The following FSTL5 variants were observed in gnomAD, a reference collection of about 807,000 sequenced individuals.
FSTL5 encodes the protein follistatin like 5.
FSTL5 carries 62 observed loss-of-function variants against 89.1 expected under a neutral mutation model. That is an observed-to-expected ratio of 0.70 (90% CI 0.57 to 0.86). The LOEUF is 0.86. Ranked by LOEUF, FSTL5 falls within the 40% of genes least tolerant of loss-of-function variation. The pLI, the probability that FSTL5 is intolerant of heterozygous loss-of-function variation, is 0.00. For missense variants in FSTL5, 1,057 were observed against 1,001.6 expected (o/e 1.06, Z -0.75); for synonymous variants, 383 against 346.2 (o/e 1.11, Z -1.18).
intron 2 of FSTL5, among the ~76,000 whole-genome samples, chr4:162,099,974 G>T (rs1579026973): frequency 6.6e-6 from 1 of 152,184 alleles, no homozygotes; most frequent in Admixed American, 6.5e-5. Flanking sequence ...CAGTGGGAAT[G>T]AAAAATTATA....
intron 3 of FSTL5, among the ~76,000 whole-genome samples, chr4:162,003,003 C>T (rs1736510363): frequency 1.3e-5 from 2 of 151,814 alleles, no homozygotes. Context: ...AATTAGCCGG[C>T]CGTGGTGTCA....
At chr4:161,768,270 C>T (rs1311016998) in intron 5 of FSTL5, among the ~76,000 whole-genome samples, 1 of 152,096 alleles carries the variant, frequency 6.6e-6, no homozygotes, top group Non-Finnish European at 1.5e-5. Context: ...GTTATTAACT[C>T]TACCTTCCTT....
intron 6 of FSTL5, among the ~76,000 whole-genome samples, chr4:161,723,669 G>A (rs1472275865): frequency 6.6e-6 from 1 of 152,092 alleles, no homozygotes; most frequent in Admixed American, 6.6e-5. Context: ...TATGCTTAAA[G>A]CTGTGAAGAT....
chr4:161,803,002 G>C (rs1729845925), intron 4 of FSTL5, among the ~76,000 whole-genome samples: 1 of 151,800 alleles, frequency 6.6e-6, no homozygotes, highest in Admixed American at 6.6e-5. Context: ...TTGGGATTCT[G>C]GTATTTAGTG....
chr4:162,128,334 T>C (rs1322397757), intron 1 of FSTL5, among the ~76,000 whole-genome samples: 1 of 152,162 alleles, frequency 6.6e-6, no homozygotes, highest in East Asian at 1.9e-4. Flanking sequence ...AATTCATACT[T>C]TGAAATCCTA....
chr4:162,065,099 T>C (rs1386688742), intron 2 of FSTL5, among the ~76,000 whole-genome samples: 1 of 151,944 alleles, frequency 6.6e-6, no homozygotes, highest in Non-Finnish European at 1.5e-5. Context: ...ATACAAAAAT[T>C]AACTTAACAT....
At chr4:162,161,458 G>GA (rs925350227) in intron 1 of FSTL5, among the ~76,000 whole-genome samples, 28 of 150,208 alleles carry the variant, frequency 1.9e-4, no homozygotes, top group South Asian at 6.3e-4. Flanking sequence ...AGAAAAATCA[G>GA]AAAAAAAAAT....
chr4:161,640,458 A>T (rs1049440398), intron 7 of FSTL5, among the ~76,000 whole-genome samples: 7 of 152,208 alleles, frequency 4.6e-5, no homozygotes, highest in African/African-American at 1.2e-4. Context: ...ATCCATAAAG[A>T]ATTAGGAAAC....
chr4:161,586,683 C>G (rs1479536522), intron 8 of FSTL5, among the ~76,000 whole-genome samples: 1 of 152,156 alleles, frequency 6.6e-6, no homozygotes, highest in Admixed American at 6.5e-5. Context: ...TCCCCTTACA[C>G]TTAGAATGGA....
chr4:162,108,264 A>G (rs1453616337), intron 2 of FSTL5, among the ~76,000 whole-genome samples: 2 of 152,128 alleles, frequency 1.3e-5, no homozygotes, highest in African/African-American at 4.8e-5. Flanking sequence ...TTATGTTTAC[A>G]TATAGTTGTA....
chr4:161,623,043 C>CACTTT, intron 7 of FSTL5, among the ~76,000 whole-genome samples: 1 of 152,136 alleles, frequency 6.6e-6, no homozygotes, highest in Middle Eastern at 3.4e-3. Context: ...ATCTCAATAA[C>CACTTT]TGCTGAAAAA....
intron 1 of FSTL5, among the ~76,000 whole-genome samples, chr4:162,149,293 G>T (rs557491144): frequency 6.6e-6 from 1 of 152,140 alleles, no homozygotes; most frequent in East Asian, 1.9e-4. Flanking sequence ...AATCCAGGCT[G>T]AGTCAGGAGT....
chr4:161,881,821 C>T (rs1251035816), intron 4 of FSTL5, among the ~76,000 whole-genome samples: 1 of 152,132 alleles, frequency 6.6e-6, no homozygotes, highest in Non-Finnish European at 1.5e-5. Flanking sequence ...ACTTTGTGAT[C>T]ATTTACAATT....
At position 161,786,413 on chromosome 4, in the gene FSTL5, T is replaced by C. The variant is rs78175360; in HGVS notation, c.410-10339A>G. ...AATAGATGTAACCTGCAGAAAGCCATGTCCCTTAGGTTATCCCAACTATTT... is the reference window on the plus strand; with the variant it reads ...AATAGATGTAACCTGCAGAAAGCCACGTCCCTTAGGTTATCCCAACTATTT... On this transcript the variant is annotated intron_variant, in intron 4 of 15. Transcript: ENST00000306100. Among the ~76,000 whole-genome samples the C allele has an allele frequency of 6.9e-3, 1,055 of 152,212 alleles. 15 individuals carry two copies. The highest frequency in any genetic ancestry group is 0.024 in the African/African-American group (981 of 41,572).
chr4:161,472,868 G>C (rs1560911743), intron 13 of FSTL5, among the ~76,000 whole-genome samples: 1 of 151,992 alleles, frequency 6.6e-6, no homozygotes, highest in Non-Finnish European at 1.5e-5. Context: ...GGGATTACAG[G>C]AGTGTACCAC....
chr4:161,556,861 T>A (rs1052826274), intron 8 of FSTL5, among the ~76,000 whole-genome samples: 4 of 150,224 alleles, frequency 2.7e-5, no homozygotes, highest in African/African-American at 9.8e-5. Flanking sequence ...TATATATATA[T>A]AATCCTGGAT....
rs568748707 is a variant in FSTL5, at chr4:161,526,417, C to G, written c.1312+11749G>C. On this transcript the variant is annotated intron_variant, in intron 10 of 15. Transcript: ENST00000306100. ...GTTGAGTATTACCATATGTATTAAA[C>G]AGACAGTACATCAATTTAGGGGAAA... Among the ~76,000 whole-genome samples the G allele has an allele frequency of 3.3e-5, 5 of 152,150 alleles. No homozygotes were observed. The East Asian group carries it at 9.7e-4, about 29-fold the overall frequency.
intron 11 of FSTL5, among the ~76,000 whole-genome samples, chr4:161,509,666 G>C (rs1292254354): frequency 6.6e-6 from 1 of 152,136 alleles, no homozygotes; most frequent in Non-Finnish European, 1.5e-5. Flanking sequence ...GGTGGGTTTT[G>C]AAGACAATTT....
chr4:161,947,046 T>C lies in FSTL5; in HGVS notation c.161-26394A>G, dbSNP rs150670574. Among the ~76,000 whole-genome samples the C allele has an allele frequency of 7.7e-3, 1,166 of 152,200 alleles. 22 individuals are homozygous for C. Among genetic ancestry groups the C allele is most frequent in the African/African-American group, 0.026 (1,090 of 41,546 alleles). On this transcript the variant is annotated intron_variant, in intron 3 of 15. Transcript: ENST00000306100. ...TTTCAAAGTTTTAGTTCAAGTCTTT[T>C]TTGTCCAGATGTATTGGGTCTGATA...
Sources: gnomAD v4.1 joint callset for allele counts (sites outside exome capture counted in the v4.1 genomes callset) on GRCh38, gnomAD v4.1.1 for gene constraint, MANE v1.5 for transcripts, NCBI Gene and HGNC (gene_info 2026-07-23, HGNC 2026-07-21) for gene names.